KASH5: variants seen among roughly 807,000 people sequenced by gnomAD.
The protein encoded by KASH5 is KASH domain containing 5.
A neutral mutation model predicts 84.2 loss-of-function variants in KASH5; 72 were observed. The observed-to-expected ratio is 0.85, with a 90% CI of 0.71 to 1.04. KASH5 has a LOEUF of 1.04. KASH5 is among the 50% of genes least tolerant of loss of function. The pLI, the probability that KASH5 is intolerant of heterozygous loss-of-function variation, is 0.00. For synonymous variants in KASH5, 260 were observed against 279.1 expected, an observed-to-expected ratio of 0.93 and a Z score of 0.68; for missense variants, 650 against 701.0, an observed-to-expected ratio of 0.93 and a Z score of 0.82.
intron 9 of KASH5, among the ~76,000 whole-genome samples, chr19:49,401,764 T>C (rs918035712): frequency 6.6e-5 from 10 of 152,176 alleles, no homozygotes; most frequent in Non-Finnish European, 1.5e-4. Context: ...TCCCAAAAAA[T>C]ATCTTTGTCC....
intron 15 of KASH5, among the ~76,000 whole-genome samples, chr19:49,411,727 GGA>G (rs1216304733): frequency 6.6e-6 from 1 of 152,182 alleles, no homozygotes; most frequent in East Asian, 1.9e-4. Flanking sequence ...AGGCCTGATA[GGA>G]GAGACCCTGC....
rs1285750007 is a variant in KASH5 at position 49,409,882 on chromosome 19, A to G, written c.1269+7A>G. The G allele has an allele frequency of 6.2e-7, 1 of 1,613,056 alleles. No homozygotes were observed. The highest frequency in any genetic ancestry group is 1.7e-5 in the Admixed American group (1 of 59,984). Reference sequence around the variant, plus strand: ...AGCCCCAGCTGGGGGACAGGTGAGCACAGGAAAAGCTCTGAAGTCCAGGAG... The same window carrying G: ...AGCCCCAGCTGGGGGACAGGTGAGCGCAGGAAAAGCTCTGAAGTCCAGGAG... On this transcript the variant is annotated splice_region_variant and intron_variant, in intron 15 of 19. Coordinates refer to ENST00000447857, the MANE Select transcript of KASH5 (RefSeq NM_144688.5).
At chr19:49,398,193 C>T in intron 7 of KASH5, 50 bp downstream of exon 7, 7 of 1,490,816 alleles carry the variant, frequency 4.7e-6, no homozygotes, top group Non-Finnish European at 6.3e-6. Context: ...CCTCCGTCCT[C>T]CCTGCAGCAG....
chr19:49,405,965 A>C, intron 9 of KASH5, among the ~76,000 whole-genome samples: 1 of 150,502 alleles, frequency 6.6e-6, no homozygotes, highest in Admixed American at 6.6e-5. Context: ...TCAAAAAAAA[A>C]AAAAAAAAAA....
chr19:49,392,143 C>G (rs940029341), intron 2 of KASH5, among the ~76,000 whole-genome samples: 4 of 151,832 alleles, frequency 2.6e-5, no homozygotes, highest in African/African-American at 9.7e-5. Flanking sequence ...AAGGTAGGAA[C>G]ACACCCAGAA....
chr19:49,407,444 A>T, intron 11 of KASH5, 148 bp downstream of exon 11: 1 of 1,106,412 alleles, frequency 9.0e-7, no homozygotes, highest in Non-Finnish European at 1.3e-6. Context: ...CCCAAGTGTG[A>T]CCCCTCAGGG....
intron 15 of KASH5, among the ~76,000 whole-genome samples, chr19:49,411,725 T>A (rs1251213878): frequency 2.0e-5 from 3 of 152,102 alleles, no homozygotes; most frequent in Non-Finnish European, 4.4e-5. Context: ...CAAGGCCTGA[T>A]AGGAGAGACC....
At chr19:49,394,911 G>A in intron 3 of KASH5, 195 bp from the exon 4 acceptor site, 2 of 592,498 alleles carry the variant, frequency 3.4e-6, no homozygotes, top group South Asian at 2.1e-5. Context: ...GTGATGGGGG[G>A]ATGACTGGGC....
intron 9 of KASH5, among the ~76,000 whole-genome samples, chr19:49,403,237 G>A (rs1295116041): frequency 2.0e-5 from 3 of 152,214 alleles, no homozygotes; most frequent in Non-Finnish European, 4.4e-5. Flanking sequence ...GTTGGGCATG[G>A]CGGCGGGCCG....
chr19:49,394,513 A>G lies in KASH5; in HGVS notation c.81A>G (p.Gly27=), dbSNP rs1428347617. The G allele has an allele frequency of 1.5e-5, 25 of 1,613,842 alleles. No individual in the cohort carries two copies. The highest frequency in any genetic ancestry group is 1.7e-5 in the Non-Finnish European group (20 of 1,179,860). The change falls in exon 3 of 20, where the codon GGA becomes GGG. Residue 27 remains glycine (G), a synonymous_variant. Coordinates refer to ENST00000447857, the MANE Select transcript of KASH5 (RefSeq NM_144688.5). ...AGCGGCCTGAGGAGGCAAGGCTGGGAATGCCGGTCAGCTTGGAGGAGCAAA... is the reference window on the plus strand; with the variant it reads ...AGCGGCCTGAGGAGGCAAGGCTGGGGATGCCGGTCAGCTTGGAGGAGCAAA... ...LRERPEEARL[G]MPVSLEEQIL...
chr19:49,408,199 C>T, intron 12 of KASH5: 1 of 172,834 alleles, frequency 5.8e-6, no homozygotes, highest in Non-Finnish European at 1.3e-5. Flanking sequence ...CAGACGTGAG[C>T]CACCACACCC....
At chr19:49,408,342 C>T (rs1484103873) in intron 12 of KASH5, 1 of 155,626 alleles carries the variant, frequency 6.4e-6, no homozygotes, top group Admixed American at 6.2e-5. Flanking sequence ...GTCTCTTAGC[C>T]CTCATGTTTC....
rs1291402104 is a variant in KASH5, at chr19:49,397,280, CAG to C, written c.401-366_401-365del. Among the ~76,000 whole-genome samples, 3 of 151,894 alleles carry C rather than the reference CAG, an allele frequency of 2.0e-5. No homozygotes were observed. The East Asian group carries it at 5.8e-4, about 29-fold the overall frequency. On this transcript the variant is annotated intron_variant, in intron 5 of 19. Coordinates refer to ENST00000447857, the MANE Select transcript of KASH5 (RefSeq NM_144688.5). ...ATGGAGACAGAGAGGAGGGGTGGAG[CAG>C]AGAGTCAGGGGCAGGAGGGAGAAGT...
At chr19:49,402,845 G>T (rs916158980) in intron 9 of KASH5, among the ~76,000 whole-genome samples, 3 of 150,976 alleles carry the variant, frequency 2.0e-5, no homozygotes, top group African/African-American at 7.3e-5. Flanking sequence ...ACGCTCCAGG[G>T]AAGAGAACAA....
In KASH5 at chr19:49,406,940, G is replaced by T. The variant is rs562232016; in HGVS notation, c.853G>T (p.Ala285Ser). Residue 285 changes from alanine to serine, a missense_variant, in exon 10 of 20, where the codon GCC (alanine) becomes TCC (serine). Transcript: ENST00000447857. ...DGVKKRSQEL[A>S]MEKDTLKRQL... ...AGTGAAAAAGAGAAGTCAGGAGCTG[G>T]CCATGGAGAAGGACACTTTGAAGGT... The T allele has an allele frequency of 6.3e-7, 1 of 1,599,956 alleles. No individual in the cohort carries two copies. Among genetic ancestry groups the T allele is most frequent in the East Asian group, 2.3e-5 (1 of 44,284 alleles).
intron 3 of KASH5, 123 bp from the exon 4 acceptor site, chr19:49,394,983 A>T: frequency 1.4e-6 from 1 of 722,782 alleles, no homozygotes; most frequent in Non-Finnish European, 2.2e-6. Context: ...GTGTGTCTCC[A>T]CTGGGCCATG....
Position 49,412,959 on chromosome 19 carries a change from T to C in KASH5, c.1270-9T>C. ...AATCAGAGAAGAACTAACCTTTTTG[T>C]TTCCACAGAGAAACTTCCAGGGAGA... On this transcript the variant is annotated splice_polypyrimidine_tract_variant and intron_variant, in intron 15 of 19. Coordinates refer to ENST00000447857, the MANE Select transcript of KASH5 (RefSeq NM_144688.5). This position sits in a 1 kb window ranked among gnomAD's most constrained non-coding sequence, Gnocchi z 4.6. The C allele has an allele frequency of 1.9e-6, 3 of 1,613,646 alleles. No individual in the cohort carries two copies. Among genetic ancestry groups the C allele is most frequent in the Non-Finnish European group, 2.5e-6 (3 of 1,179,722 alleles).
At position 49,409,243 on chromosome 19, in the gene KASH5, T is replaced by TA; in HGVS notation, c.1107dup (p.Pro370ThrfsTer21). 1 of 1,613,966 alleles carries TA rather than the reference T, an allele frequency of 6.2e-7. No individual in the cohort carries two copies. The highest frequency in any genetic ancestry group is 8.5e-7 in the Non-Finnish European group (1 of 1,179,864). ...AGAAGAGTGGGCTGGACCGAGCTGC[T>TA]ACCCCCATCGCTGGGCTTGGAGATC... On this transcript the variant is annotated frameshift_variant, in exon 14 of 20. Transcript: ENST00000447857. LOFTEE classifies it high-confidence loss of function.
At chr19:49,397,862 C>A in intron 6 of KASH5, 120 bp from the exon 7 acceptor site, 1 of 1,417,118 alleles carries the variant, frequency 7.1e-7, no homozygotes, top group South Asian at 1.3e-5. Context: ...GCAGAGGAGT[C>A]TCTCTCCTGT....
Sources: allele counts gnomAD v4.1 joint callset (sites outside exome capture counted in the v4.1 genomes callset), GRCh38; gene constraint gnomAD v4.1.1; non-coding constraint Gnocchi (gnomAD v3.1); transcripts MANE v1.5; gene names NCBI Gene and HGNC (gene_info 2026-07-23, HGNC 2026-07-21).